SUGCT: variants seen among roughly 807,000 people sequenced by gnomAD.
SUGCT encodes succinyl-CoA:glutarate-CoA transferase.
A neutral mutation model predicts 55.0 loss-of-function variants in SUGCT; 41 were observed. That is an observed-to-expected ratio of 0.74 (90% CI 0.58 to 0.97). The LOEUF (loss-of-function observed/expected upper bound fraction) is 0.97. Among genes scored for constraint, SUGCT ranks in the 50% least tolerant of loss-of-function variants. The pLI, the probability that SUGCT is intolerant of heterozygous loss-of-function variation, is 0.00. For missense variants in SUGCT, 568 were observed against 547.8 expected (o/e 1.04, Z -0.37); for synonymous variants, 187 against 200.4 (o/e 0.93, Z 0.56).
the SUGCT span, among the ~76,000 whole-genome samples, chr7:40,868,037 G>T: frequency 2.6e-5 from 4 of 152,060 alleles, no homozygotes; most frequent in Non-Finnish European, 2.9e-5. Flanking sequence ...ACAGAAACTG[G>T]TCATATTTAT....
At chr7:40,163,362 T>C (rs1214385357) in intron 1 of SUGCT, among the ~76,000 whole-genome samples, 1 of 152,124 alleles carries the variant, frequency 6.6e-6, no homozygotes, top group East Asian at 1.9e-4. Context: ...TCCCAGCACT[T>C]TGGGAGGTCG....
chr7:40,191,723 A>G (rs1785920568), intron 5 of SUGCT, among the ~76,000 whole-genome samples: 1 of 152,254 alleles, frequency 6.6e-6, no homozygotes, highest in South Asian at 2.1e-4. Context: ...AGTTATTACA[A>G]TTAATAAGTT....
chr7:41,024,759 A>G, the SUGCT span, among the ~76,000 whole-genome samples: 100 of 127,784 alleles, frequency 7.8e-4, no homozygotes, highest in African/African-American at 2.5e-3. Flanking sequence ...GTAAATGGGT[A>G]CAGCCCCCTG....
chr7:40,339,100 C>T (rs185241774), intron 9 of SUGCT, among the ~76,000 whole-genome samples: 1 of 152,290 alleles, frequency 6.6e-6, no homozygotes, highest in East Asian at 1.9e-4. Flanking sequence ...CTGATTGTTC[C>T]TCTGGAAGCT....
intron 9 of SUGCT, among the ~76,000 whole-genome samples, chr7:40,336,330 C>T (rs1038784509): frequency 1.3e-5 from 2 of 152,164 alleles, no homozygotes; most frequent in South Asian, 4.1e-4. Flanking sequence ...ATGGTACCAG[C>T]TCCTCCCTGT....
At chr7:40,486,757 G>A (rs940204372) in intron 11 of SUGCT, among the ~76,000 whole-genome samples, 4 of 125,840 alleles carry the variant, frequency 3.2e-5, no homozygotes, top group Non-Finnish European at 4.8e-5. Flanking sequence ...GTGAAGTCTT[G>A]CACTGTTGTC....
At chr7:40,394,249 G>T (rs1785599150) in intron 9 of SUGCT, among the ~76,000 whole-genome samples, 2 of 152,096 alleles carry the variant, frequency 1.3e-5, no homozygotes, top group African/African-American at 2.4e-5. Context: ...CTCCCCAGGT[G>T]ATTTGACTAT....
At chr7:40,391,162 A>G (rs1227868658) in intron 9 of SUGCT, among the ~76,000 whole-genome samples, 1 of 152,226 alleles carries the variant, frequency 6.6e-6, no homozygotes, top group Non-Finnish European at 1.5e-5. Flanking sequence ...TAAATGTTAG[A>G]CCTAAAACCA....
chr7:40,233,217 A>T (rs1788822874), intron 6 of SUGCT, among the ~76,000 whole-genome samples: 1 of 151,660 alleles, frequency 6.6e-6, no homozygotes, highest in Admixed American at 6.6e-5. Context: ...TATGTTTATT[A>T]TTATTATTAT....
intron 13 of SUGCT, among the ~76,000 whole-genome samples, chr7:40,800,244 T>C (rs980108591): frequency 1.3e-5 from 2 of 151,642 alleles, no homozygotes; most frequent in African/African-American, 4.8e-5. Context: ...GGCTGTGGTC[T>C]GAGGCAGGAG....
At chr7:40,863,402 T>G (rs571011484), downstream of SUGCT, among the ~76,000 whole-genome samples, 1 of 152,310 alleles carries the variant, frequency 6.6e-6, no homozygotes, top group South Asian at 2.1e-4. Context: ...TTTTGTGCCA[T>G]GGGTTTGTCA....
chr7:40,534,098 G>A, intron 12 of SUGCT, among the ~76,000 whole-genome samples: 1 of 151,964 alleles, frequency 6.6e-6, no homozygotes, highest in East Asian at 1.9e-4. Context: ...ACTTTAAATT[G>A]GTACCATTTA....
intron 7 of SUGCT, among the ~76,000 whole-genome samples, chr7:40,255,331 C>T (rs189547190): frequency 1.3e-4 from 20 of 151,350 alleles, no homozygotes; most frequent in Non-Finnish European, 1.8e-4. Flanking sequence ...AGGCAAGAGA[C>T]GGTTTATTTT....
intron 12 of SUGCT, among the ~76,000 whole-genome samples, chr7:40,625,137 G>C (rs1260292576): frequency 6.6e-6 from 1 of 151,824 alleles, no homozygotes; most frequent in African/African-American, 2.4e-5. Flanking sequence ...GCACATTCTC[G>C]GACCTATTCT....
the SUGCT span, among the ~76,000 whole-genome samples, chr7:40,971,296 C>T: frequency 1.3e-5 from 2 of 152,084 alleles, no homozygotes; most frequent in Non-Finnish European, 2.9e-5. Flanking sequence ...CATTCATCTG[C>T]CCCCATGATC....
chr7:40,948,523 G>A, the SUGCT span, among the ~76,000 whole-genome samples: 1 of 151,974 alleles, frequency 6.6e-6, no homozygotes, highest in Non-Finnish European at 1.5e-5. Context: ...TGTTACGTAG[G>A]TATACACATG....
intron 6 of SUGCT, among the ~76,000 whole-genome samples, chr7:40,214,355 T>C (rs945347824): frequency 6.6e-6 from 1 of 152,206 alleles, no homozygotes; most frequent in African/African-American, 2.4e-5. Context: ...TTCATCACTT[T>C]ATATGTATTA....
the SUGCT span, among the ~76,000 whole-genome samples, chr7:40,975,363 T>C: frequency 6.6e-6 from 1 of 152,198 alleles, no homozygotes; most frequent in African/African-American, 2.4e-5. Context: ...GCTGAAATGT[T>C]CAAATCATTT....
the SUGCT span, among the ~76,000 whole-genome samples, chr7:41,003,247 C>T: frequency 2.0e-5 from 3 of 152,070 alleles, no homozygotes; most frequent in Admixed American, 2.0e-4. Flanking sequence ...GTGGCGCCAC[C>T]AAAGAGCAAG....
Sources: allele counts gnomAD v4.1 joint callset (sites outside exome capture counted in the v4.1 genomes callset), GRCh38; gene constraint gnomAD v4.1.1; transcripts MANE v1.5; gene names NCBI Gene and HGNC (gene_info 2026-07-23, HGNC 2026-07-21).